The following CA10 variants were observed in gnomAD, a reference collection of about 807,000 sequenced individuals.
The protein encoded by CA10 is carbonic anhydrase-related protein 10.
CA10 carries 14 observed loss-of-function variants against 44.2 expected under a neutral mutation model. The observed-to-expected ratio is 0.32, with a 90% confidence interval of 0.21 to 0.50. The LOEUF is 0.50. Among genes scored for constraint, CA10 ranks in the 20% least tolerant of loss-of-function variants. The pLI, the probability that CA10 is intolerant of heterozygous loss-of-function variation, is 0.99. For synonymous variants in CA10, 159 were observed against 141.6 expected, an observed-to-expected ratio of 1.12 and a Z score of -0.87; for missense variants, 350 against 409.7, an observed-to-expected ratio of 0.85 and a Z score of 1.26.
chr17:51,854,402 A>T (rs191369362), intron 3 of CA10, among the ~76,000 whole-genome samples: 18 of 152,338 alleles, frequency 1.2e-4, no homozygotes, highest in Non-Finnish European at 1.6e-4. Context: ...TCCAGGGAAG[A>T]GTGAAATGCA....
chr17:51,765,615 G>A (rs1055693284), intron 3 of CA10, among the ~76,000 whole-genome samples: 3 of 151,604 alleles, frequency 2.0e-5, no homozygotes, highest in African/African-American at 4.8e-5. Flanking sequence ...CTCCATTTTA[G>A]TTGTAACCAA....
At chr17:51,852,843 G>A (rs1484132449) in intron 3 of CA10, among the ~76,000 whole-genome samples, 1 of 152,122 alleles carries the variant, frequency 6.6e-6, no homozygotes, top group Non-Finnish European at 1.5e-5. Context: ...AATTAATCAT[G>A]TTCAGATTAC....
chr17:51,913,070 A>G (rs1981853173), intron 3 of CA10, among the ~76,000 whole-genome samples: 1 of 152,176 alleles, frequency 6.6e-6, no homozygotes, highest in Non-Finnish European at 1.5e-5. Context: ...GAAGGCATCC[A>G]TTAACTAAGT....
At chr17:51,820,420 C>T (rs1339275029) in intron 3 of CA10, among the ~76,000 whole-genome samples, 2 of 78,388 alleles carry the variant, frequency 2.6e-5, no homozygotes, top group East Asian at 4.7e-4. Flanking sequence ...CCCCCCCCCG[C>T]CCGCCGATTT....
intron 6 of CA10, among the ~76,000 whole-genome samples, chr17:51,648,784 G>GC (rs762190269): frequency 4.6e-5 from 7 of 152,114 alleles, no homozygotes; most frequent in Non-Finnish European, 1.0e-4. Flanking sequence ...AAATGGTCTA[G>GC]CCGAGGGCTT....
At chr17:52,053,346 C>T (rs1203402023) in intron 2 of CA10, among the ~76,000 whole-genome samples, 1 of 152,008 alleles carries the variant, frequency 6.6e-6, no homozygotes, top group Admixed American at 6.6e-5. Context: ...CATAACCAGA[C>T]ATCTGAGGGA....
chr17:52,143,796 A>G (rs1989529930), intron 1 of CA10, among the ~76,000 whole-genome samples: 1 of 152,164 alleles, frequency 6.6e-6, no homozygotes, highest in Admixed American at 6.6e-5. Flanking sequence ...GCCTCTACCA[A>G]CGAGCTTGGA....
At chr17:51,641,644 A>T (rs1328455766) in intron 6 of CA10, among the ~76,000 whole-genome samples, 3 of 152,160 alleles carry the variant, frequency 2.0e-5, no homozygotes, top group African/African-American at 7.2e-5. Flanking sequence ...GTTCTTGATG[A>T]ACCTGTGATT....
At chr17:51,948,432 C>G (rs961426642) in intron 2 of CA10, among the ~76,000 whole-genome samples, 1 of 152,138 alleles carries the variant, frequency 6.6e-6, no homozygotes, top group Non-Finnish European at 1.5e-5. Context: ...CTCATCATAA[C>G]CCCTTGGACA....
At chr17:51,905,845 C>A (rs1420278581) in intron 3 of CA10, among the ~76,000 whole-genome samples, 3 of 152,078 alleles carry the variant, frequency 2.0e-5, no homozygotes, top group African/African-American at 7.2e-5. Context: ...CAGTTGATGA[C>A]CTTGATTCTC....
Position 52,157,908 on chromosome 17 carries a change from C to A in CA10, c.-122G>T. ...CCGAGCGAGTGCACACTCGCACTCC[C>A]ACCCGACAGCCGGCCAGGGACAGTC... On this transcript the variant is annotated 5_prime_UTR_variant, in exon 1 of 9. Transcript: ENST00000451037. The A allele has an allele frequency of 1.3e-6, 1 of 786,600 alleles. No homozygotes were observed. The highest frequency in any genetic ancestry group is 2.4e-5 in the East Asian group (1 of 40,942). 48.7% of individuals were successfully genotyped at this position (786,600 alleles called of 1,614,324 possible).
At chr17:51,913,937 A>G (rs932032968) in intron 3 of CA10, among the ~76,000 whole-genome samples, 2 of 152,132 alleles carry the variant, frequency 1.3e-5, no homozygotes, top group Non-Finnish European at 2.9e-5. Flanking sequence ...TCCACAGAGA[A>G]CTGAGGGCAG....
chr17:51,694,033 T>G (rs975613325), intron 4 of CA10, among the ~76,000 whole-genome samples: 5 of 152,050 alleles, frequency 3.3e-5, no homozygotes, highest in African/African-American at 1.2e-4. Context: ...GGAGAAATCC[T>G]GTCTCTACTG....
chr17:51,818,143 A>C (rs1342899635), intron 3 of CA10, among the ~76,000 whole-genome samples: 1 of 152,220 alleles, frequency 6.6e-6, no homozygotes. Flanking sequence ...TGTGATCCTA[A>C]GTAAGTCACT....
At chr17:51,938,360 C>T (rs1247332190) in intron 2 of CA10, among the ~76,000 whole-genome samples, 1 of 152,036 alleles carries the variant, frequency 6.6e-6, no homozygotes, top group South Asian at 2.1e-4. Context: ...GGTGAAGGAT[C>T]CAGGCAGAAG....
intron 4 of CA10, among the ~76,000 whole-genome samples, chr17:51,654,511 AG>A (rs1913710802): frequency 6.6e-6 from 1 of 152,050 alleles, no homozygotes; most frequent in South Asian, 2.1e-4. Context: ...TCATCATCTC[AG>A]GGCTGTGATT....
chr17:52,001,895 G>A (rs1985439183), intron 2 of CA10, among the ~76,000 whole-genome samples: 1 of 151,952 alleles, frequency 6.6e-6, no homozygotes. Flanking sequence ...GTGCTGGAGA[G>A]CTCAGGGCAG....
At chr17:52,135,528 T>A (rs1258674771) in intron 1 of CA10, among the ~76,000 whole-genome samples, 1 of 152,116 alleles carries the variant, frequency 6.6e-6, no homozygotes, top group Non-Finnish European at 1.5e-5. Flanking sequence ...TCATGACTCC[T>A]CCTATAGCTT....
chr17:51,837,788 T>C (rs2143798154), intron 3 of CA10, among the ~76,000 whole-genome samples: 1 of 152,366 alleles, frequency 6.6e-6, no homozygotes, highest in East Asian at 1.9e-4. Context: ...TTTTTAACTT[T>C]TAAATTTTAT....
Sources: allele counts gnomAD v4.1 joint callset (sites outside exome capture counted in the v4.1 genomes callset), GRCh38; gene constraint gnomAD v4.1.1; transcripts MANE v1.5; gene names NCBI Gene and HGNC (gene_info 2026-07-23, HGNC 2026-07-21).